UIMC1: variants seen among roughly 807,000 people sequenced by gnomAD.
The protein encoded by UIMC1 is BRCA1-A complex subunit RAP80.
A neutral mutation model predicts 84.9 loss-of-function variants in UIMC1; 42 were observed. The observed-to-expected ratio is 0.49, with a 90% CI of 0.39 to 0.64. The LOEUF (loss-of-function observed/expected upper bound fraction) is 0.64. UIMC1 is among the 30% of genes least tolerant of loss of function. UIMC1 has a pLI of 0.00. For missense variants in UIMC1, 825 were observed against 847.6 expected (o/e 0.97, Z 0.33); for synonymous variants, 281 against 293.0 (o/e 0.96, Z 0.42).
upstream of UIMC1, among the ~76,000 whole-genome samples, chr5:177,009,333 G>C (rs950976073): frequency 6.6e-6 from 1 of 151,784 alleles, no homozygotes; most frequent in African/African-American, 2.4e-5. This position sits in a 1 kb window ranked among gnomAD's most constrained non-coding sequence, Gnocchi z 4.3. Context: ...CTAAGTTTTG[G>C]GGTAATTTGT....
intron 10 of UIMC1, among the ~76,000 whole-genome samples, chr5:176,929,140 A>G (rs958826199): frequency 3.3e-4 from 50 of 152,072 alleles, no homozygotes; most frequent in African/African-American, 1.2e-3. Flanking sequence ...TTGTAGTCCC[A>G]GCTACTCGGG....
intron 10 of UIMC1, among the ~76,000 whole-genome samples, chr5:176,917,647 C>T (rs868010628): frequency 6.6e-6 from 1 of 152,122 alleles, no homozygotes; most frequent in African/African-American, 2.4e-5. Flanking sequence ...AAATTTAAAT[C>T]TTAATTAGAA....
intron 8 of UIMC1, among the ~76,000 whole-genome samples, chr5:176,953,515 C>CACACACAT (rs1554120152): frequency 6.6e-6 from 1 of 151,500 alleles, no homozygotes; most frequent in African/African-American, 2.4e-5. Flanking sequence ...CACACACACA[C>CACACACAT]ACACACACAC....
In UIMC1 at chr5:176,984,870, T is replaced by A. The variant is rs1006095658; in HGVS notation, c.-8-2247A>T. ...ATTAAGGGCAGTGCAAGATGTGCTT[T>A]GTTAAAAAGATGCTTGAAGGCAGCA... On this transcript the variant is annotated intron_variant, in intron 1 of 14. Coordinates refer to ENST00000511320, the MANE Select transcript of UIMC1 (RefSeq NM_001199298.2). Among the ~76,000 whole-genome samples, 12 of 152,312 alleles carry A rather than the reference T, an allele frequency of 7.9e-5. No individual in the cohort carries two copies. The East Asian group carries it at 2.1e-3, about 27-fold the overall frequency.
chr5:176,923,562 A>G (rs555069999), intron 10 of UIMC1, among the ~76,000 whole-genome samples: 4 of 150,008 alleles, frequency 2.7e-5, no homozygotes, highest in East Asian at 2.0e-4. Flanking sequence ...GCAAAAAAAA[A>G]AAAGAAAGAA....
intron 11 of UIMC1, among the ~76,000 whole-genome samples, chr5:176,910,820 G>C (rs923922315): frequency 2.6e-5 from 4 of 152,222 alleles, no homozygotes; most frequent in African/African-American, 7.2e-5. Context: ...GCTGGGCACA[G>C]TGGCTCACGC....
intron 10 of UIMC1, among the ~76,000 whole-genome samples, chr5:176,914,064 T>TACCACACCACACCACACCAC (rs1354938619): frequency 6.2e-4 from 76 of 122,622 alleles, no homozygotes; most frequent in Admixed American, 2.2e-3. Context: ...TACCATACCA[T>TACCACACCACACCACACCAC]ACCATACCAC....
At chr5:176,969,894 A>C (rs1296728048) in intron 4 of UIMC1, 188 bp from the exon 5 acceptor site, 4 of 536,252 alleles carry the variant, frequency 7.5e-6, no homozygotes, top group Non-Finnish European at 1.3e-5. Context: ...AGATCACTAT[A>C]CTAAACCCTT....
At chr5:176,974,203 A>G (rs1769702439) in intron 3 of UIMC1, among the ~76,000 whole-genome samples, 1 of 152,238 alleles carries the variant, frequency 6.6e-6, no homozygotes, top group Admixed American at 6.5e-5. Context: ...ATTAATCAAG[A>G]CAGTGTGGTA....
chr5:176,981,000 C>T (rs1052501061), intron 2 of UIMC1, among the ~76,000 whole-genome samples: 1 of 152,122 alleles, frequency 6.6e-6, no homozygotes, highest in African/African-American at 2.4e-5. Flanking sequence ...CTAAGCTTCC[C>T]GAAGCACTGG....
chr5:176,951,232 T>A (rs1180623475), intron 9 of UIMC1, among the ~76,000 whole-genome samples: 1 of 152,186 alleles, frequency 6.6e-6, no homozygotes, highest in Non-Finnish European at 1.5e-5. Flanking sequence ...TAAGCCTCTG[T>A]TTCCCCATCT....
chr5:177,014,975 G>A (rs564814251), intron 1 of UIMC1, among the ~76,000 whole-genome samples: 1 of 152,178 alleles, frequency 6.6e-6, no homozygotes, highest in Non-Finnish European at 1.5e-5. Flanking sequence ...GCTCATGCCT[G>A]TAATCCCAGC....
intron 8 of UIMC1, among the ~76,000 whole-genome samples, chr5:176,953,386 C>T (rs1343060343): frequency 1.3e-5 from 2 of 152,102 alleles, no homozygotes; most frequent in Non-Finnish European, 2.9e-5. Flanking sequence ...GCAAATAGGG[C>T]ATCTGCAAGT....
Position 176,968,965 on chromosome 5 carries a change from C to T in UIMC1, c.790G>A (p.Ala264Thr). 6.2e-7 allele frequency: 1 copy of T among 1,614,180 alleles called. No individual in the cohort carries two copies. Among genetic ancestry groups the T allele is most frequent in the Non-Finnish European group, 8.5e-7 (1 of 1,180,022 alleles). Residue 264 changes from alanine (A) to threonine (T), a missense_variant, in exon 6 of 15, where the codon GCC (alanine) becomes ACC (threonine). Coordinates refer to ENST00000511320, the MANE Select transcript of UIMC1 (RefSeq NM_001199298.2). ...SRHCLPTLADAKGLQDTGGTV... is the reference protein window; with the variant it reads ...SRHCLPTLADTKGLQDTGGTV... ...CCCCCAGTGTCCTGGAGACCTTTGG[C>T]ATCTGCTAGGGTAGGTAGACAGTGC...
Position 176,946,214 on chromosome 5 carries a change from G to A in UIMC1, c.1444-2726C>T, listed in dbSNP as rs192252083. Among the ~76,000 whole-genome samples, 853 of 152,200 alleles carry A rather than the reference G, an allele frequency of 5.6e-3. 7 individuals are homozygous for A. Among genetic ancestry groups the A allele is most frequent in the Non-Finnish European group, 8.8e-3 (599 of 68,020 alleles). On this transcript the variant is annotated intron_variant, in intron 9 of 14. Coordinates refer to ENST00000511320, the MANE Select transcript of UIMC1 (RefSeq NM_001199298.2). ...TGTGTCTATTATTTCTCAACCTGCC[G>A]ATCTGCCTAGGAACAAAGAGAGAGC...
At chr5:176,951,222 T>G (rs1765843127) in intron 9 of UIMC1, among the ~76,000 whole-genome samples, 1 of 152,208 alleles carries the variant, frequency 6.6e-6, no homozygotes, top group South Asian at 2.1e-4. Context: ...TTAAACATCC[T>G]AAGCCTCTGT....
At chr5:176,958,178 T>A (rs746442510) in intron 6 of UIMC1, 24 bp from the exon 7 acceptor site, 11 of 1,604,170 alleles carry the variant, frequency 6.9e-6, no homozygotes, top group Non-Finnish European at 8.5e-6. Context: ...CGTAGTATCT[T>A]AAATATACAG....
Position 176,968,941 on chromosome 5 carries a change from C to A in UIMC1, c.814G>T (p.Gly272Cys). The change falls in exon 6 of 15, where the codon GGC becomes TGC. Residue 272 changes from glycine (G) to cysteine (C), a missense_variant. Physicochemically the swap from Gly to Cys is radical, Grantham distance 159. Transcript: ENST00000511320. Reference sequence around the variant, plus strand: ...ATACCCCAGAAATAGTTCACAGTGCCCCCAGTGTCCTGGAGACCTTTGGCA... The same window carrying A: ...ATACCCCAGAAATAGTTCACAGTGCACCCAGTGTCCTGGAGACCTTTGGCA... ...ADAKGLQDTG[G>C]TVNYFWGIPF... 6.2e-7 allele frequency: 1 copy of A among 1,614,164 alleles called. No homozygotes were observed.
chr5:176,934,806 G>GA (rs971288706), intron 10 of UIMC1, among the ~76,000 whole-genome samples: 6 of 151,446 alleles, frequency 4.0e-5, no homozygotes, highest in African/African-American at 1.2e-4. Flanking sequence ...TGGTCTGAGG[G>GA]AAAAAAAAAT....
Sources: gnomAD v4.1 joint callset for allele counts (sites outside exome capture counted in the v4.1 genomes callset) on GRCh38, gnomAD v4.1.1 for gene constraint, Gnocchi (gnomAD v3.1) non-coding constraint, MANE v1.5 for transcripts, NCBI Gene and HGNC (gene_info 2026-07-23, HGNC 2026-07-21) for gene names.